The following UNC79 variants were observed in gnomAD, a reference collection of about 807,000 sequenced individuals.
UNC79 encodes protein unc-79 homolog.
A neutral mutation model predicts 283.1 loss-of-function variants in UNC79; 37 were observed. The ratio of observed to expected loss-of-function variants is 0.13; its 90% CI spans 0.10 to 0.17. The LOEUF (loss-of-function observed/expected upper bound fraction) is 0.17, where lower values mean the gene tolerates loss of function less well. Ranked by LOEUF, UNC79 falls within the 10% of genes least tolerant of loss-of-function variation. The pLI, the probability that UNC79 is intolerant of heterozygous loss-of-function variation, is 1.00. For missense variants in UNC79, 2,272 were observed against 3,211.1 expected, an observed-to-expected ratio of 0.71 and a Z score of 7.07; for synonymous variants, 1,107 against 1,200.2, an observed-to-expected ratio of 0.92 and a Z score of 1.61.
downstream of UNC79, chr14:93,706,938 G>A (rs193128895): frequency 3.7e-6 from 6 of 1,610,758 alleles, no homozygotes. Context: ...CAACACTCTG[G>A]TTTAGCAATA....
rs181329566 is a variant in UNC79 at position 93,566,098 on chromosome 14, C to T, written c.1756-5796C>T. 9.2e-5 allele frequency among the ~76,000 whole-genome samples: 14 copies of T among 152,240 alleles called. 1 individual carries two copies. Among genetic ancestry groups the T allele is most frequent in the Admixed American group, 7.2e-4 (11 of 15,302 alleles). On this transcript the variant is annotated intron_variant, in intron 14 of 48. Coordinates refer to ENST00000555664, the Ensembl canonical transcript of UNC79. Reference sequence around the variant, plus strand: ...ACTCCCAGTTGCAGCAATACTAAACCGAAGTTTCAGACAGCTGCCCATCAG... The same window carrying T: ...ACTCCCAGTTGCAGCAATACTAAACTGAAGTTTCAGACAGCTGCCCATCAG...
At chr14:93,647,611 T>C (rs905504566) in intron 35 of UNC79, among the ~76,000 whole-genome samples, 1 of 152,070 alleles carries the variant, frequency 6.6e-6, no homozygotes, top group East Asian at 1.9e-4. Context: ...AGGTTGAGTA[T>C]GAAAAAGAGT....
intron 1 of UNC79, among the ~76,000 whole-genome samples, chr14:93,375,755 AGCAC>A (rs2054543155): frequency 1.3e-5 from 2 of 152,188 alleles, no homozygotes; most frequent in Admixed American, 1.3e-4. Flanking sequence ...TCACGGGAAC[AGCAC>A]CAAGGGGATG....
intron 1 of UNC79, among the ~76,000 whole-genome samples, chr14:93,349,623 C>A (rs1379575361): frequency 6.6e-6 from 1 of 152,158 alleles, no homozygotes; most frequent in Non-Finnish European, 1.5e-5. Flanking sequence ...CTTCTAGGTG[C>A]GTGAGCTGTG....
rs548694762 is a variant in UNC79, at chr14:93,650,485, T to C, written c.6084-3257T>C. 9.2e-5 allele frequency among the ~76,000 whole-genome samples: 14 copies of C among 152,316 alleles called. No individual in the cohort carries two copies. The South Asian group carries it at 2.7e-3, about 29-fold the overall frequency. ...CCAACTTTGGCATTGTTGGTCTTTT[T>C]AATTTTGGTCATTCTGGTGGATGTG... On this transcript the variant is annotated intron_variant, in intron 35 of 48. Coordinates refer to ENST00000555664, the Ensembl canonical transcript of UNC79.
At chr14:93,521,040 T>C (rs1245730093) in intron 7 of UNC79, among the ~76,000 whole-genome samples, 3 of 152,058 alleles carry the variant, frequency 2.0e-5, no homozygotes, top group African/African-American at 7.2e-5. Flanking sequence ...TTGAAGTTTG[T>C]TTTGGCAATC....
intron 35 of UNC79, among the ~76,000 whole-genome samples, chr14:93,647,214 T>A (rs1393628992): frequency 6.6e-6 from 1 of 152,222 alleles, no homozygotes; most frequent in African/African-American, 2.4e-5. Context: ...GAGTGACTAC[T>A]AGTTATTGAG....
intron 20 of UNC79, 136 bp downstream of exon 20, chr14:93,582,480 T>C: frequency 8.0e-7 from 1 of 1,257,332 alleles, no homozygotes; most frequent in Non-Finnish European, 1.1e-6. Context: ...CAGAGGAACA[T>C]CTCCCAGCGG....
chr14:93,459,819 C>T (rs1445246042), intron 1 of UNC79, among the ~76,000 whole-genome samples: 1 of 76,454 alleles, frequency 1.3e-5, no homozygotes, highest in Non-Finnish European at 2.6e-5. Flanking sequence ...TACAGGCGCC[C>T]ACCACCACGC....
intron 7 of UNC79, among the ~76,000 whole-genome samples, chr14:93,512,050 A>G (rs2059849833): frequency 6.6e-6 from 1 of 152,162 alleles, no homozygotes; most frequent in Non-Finnish European, 1.5e-5. Flanking sequence ...ACTAGCATTC[A>G]TTTAAAAATA....
intron 1 of UNC79, chr14:93,466,923 T>C (rs2057210154): frequency 3.0e-6 from 3 of 985,154 alleles, no homozygotes; most frequent in Non-Finnish European, 3.6e-6. Context: ...GGTAAATAAA[T>C]CTATTGAGTC....
chr14:93,634,383 T>C (rs1198859925), intron 31 of UNC79, 138 bp from the exon 34 acceptor site: 1 of 626,052 alleles, frequency 1.6e-6, no homozygotes, highest in African/African-American at 1.8e-5. Flanking sequence ...TAATTTTTCA[T>C]TTGAACAGAA....
intron 35 of UNC79, among the ~76,000 whole-genome samples, chr14:93,653,071 C>T (rs947987406): frequency 2.6e-5 from 4 of 152,062 alleles, no homozygotes; most frequent in Admixed American, 6.6e-5. Flanking sequence ...TATCTATTTA[C>T]GTTCTTTGAT....
chr14:93,404,493 A>AATATATAT lies in UNC79; in HGVS notation c.-350-63164_-350-63157dup, dbSNP rs1445930733. Among the ~76,000 whole-genome samples the AATATATAT allele has an allele frequency of 9.8e-5, 6 of 61,492 alleles. 1 individual carries two copies. The highest frequency in any genetic ancestry group is 4.0e-4 in the African/African-American group (6 of 15,002). The allele number at this position is 61,492 out of a possible 152,430, so 40.3% of individuals were successfully genotyped here. A position where few individuals can be genotyped will look rare whatever the true frequency, so the allele number is the denominator to read the frequency against. On this transcript the variant is annotated intron_variant, in intron 1 of 49. Transcript: ENST00000256339. ...TGACAGAGTGAGACCTTCTAAAAAA[A>AATATATAT]ATATATATATATATATATATAAATA...
At chr14:93,502,850 TAC>T (rs906449146) in intron 7 of UNC79, among the ~76,000 whole-genome samples, 1 of 152,240 alleles carries the variant, frequency 6.6e-6, no homozygotes, top group African/African-American at 2.4e-5. Flanking sequence ...TGGTCTAGGC[TAC>T]CAAATATCAC....
intron 26 of UNC79, 96 bp downstream of exon 27, chr14:93,605,057 AC>A: frequency 7.5e-7 from 1 of 1,334,524 alleles, no homozygotes; most frequent in Non-Finnish European, 9.9e-7. Context: ...AGGGTGATAT[AC>A]CTAGGATTTG....
Position 93,621,198 on chromosome 14 carries a change from A to T in UNC79, c.4388-423A>T, listed in dbSNP as rs1270346301. On this transcript the variant is annotated intron_variant, in intron 29 of 48. Coordinates refer to ENST00000555664, the Ensembl canonical transcript of UNC79. This position sits in a 1 kb window ranked among gnomAD's most constrained non-coding sequence, Gnocchi z 4.8. ...AGTATATATATATACACATTTATAT[A>T]TATACGTGAATCGACAGATACATCA... Among the ~76,000 whole-genome samples, 2 of 152,186 alleles carry T rather than the reference A, an allele frequency of 1.3e-5. No homozygotes were observed. The highest frequency in any genetic ancestry group is 2.9e-5 in the Non-Finnish European group (2 of 68,038).
chr14:93,582,428 C>G (rs2063887885), intron 20 of UNC79, 84 bp downstream of exon 20: 1 of 1,552,144 alleles, frequency 6.4e-7, no homozygotes, highest in African/African-American at 1.4e-5. Context: ...TTAATATCGA[C>G]TTGGGCAAAT....
rs114823582 is a variant in UNC79, at chr14:93,529,732, T to C, written c.1093+406T>C. 4.7e-3 allele frequency among the ~76,000 whole-genome samples: 713 copies of C among 152,266 alleles called. 3 individuals are homozygous for C. The highest frequency in any genetic ancestry group is 0.016 in the African/African-American group (676 of 41,546). On this transcript the variant is annotated intron_variant, in intron 10 of 48. Transcript: ENST00000555664. ...TAATTGGCCTTTCCCCTGCTACTATTACTAGTACCATGTTGTGGGGGGGAA... is the reference window on the plus strand; with the variant it reads ...TAATTGGCCTTTCCCCTGCTACTATCACTAGTACCATGTTGTGGGGGGGAA...
Sources: gnomAD v4.1 joint callset for allele counts (sites outside exome capture counted in the v4.1 genomes callset) on GRCh38, gnomAD v4.1.1 for gene constraint, Gnocchi (gnomAD v3.1) non-coding constraint, MANE v1.5 for transcripts, NCBI Gene and HGNC (gene_info 2026-07-23, HGNC 2026-07-21) for gene names.